Variants in SUGCT observed in about 807,000 individuals in gnomAD.
SUGCT encodes the protein succinyl-CoA:glutarate CoA-transferase.
A neutral mutation model predicts 55.0 loss-of-function variants in SUGCT; 41 were observed. That is an observed-to-expected ratio of 0.74 (90% CI 0.58 to 0.97). The LOEUF (loss-of-function observed/expected upper bound fraction) is 0.97, where lower values mean the gene tolerates loss of function less well. Among genes scored for constraint, SUGCT ranks in the 50% least tolerant of loss-of-function variants. SUGCT has a pLI of 0.00. For missense variants in SUGCT, 568 were observed against 547.8 expected (o/e 1.04, Z -0.37); for synonymous variants, 187 against 200.4 (o/e 0.93, Z 0.56).
the SUGCT span, among the ~76,000 whole-genome samples, chr7:41,004,840 C>T: frequency 6.6e-6 from 1 of 152,242 alleles, no homozygotes; most frequent in South Asian, 2.1e-4. Flanking sequence ...ATATTCTTCT[C>T]ATTGAAACAA....
intron 12 of SUGCT, among the ~76,000 whole-genome samples, chr7:40,622,542 T>TC (rs1349924861): frequency 6.7e-6 from 1 of 149,982 alleles, no homozygotes; most frequent in Non-Finnish European, 1.5e-5. Context: ...TTTTTTTTTT[T>TC]TTTTTTTTTC....
At chr7:40,823,506 T>C (rs1349850566) in intron 13 of SUGCT, among the ~76,000 whole-genome samples, 2 of 152,172 alleles carry the variant, frequency 1.3e-5, no homozygotes, top group Non-Finnish European at 2.9e-5. Context: ...TTCACATGTG[T>C]ACTCAGCAAA....
chr7:40,420,449 C>A (rs962991308), intron 9 of SUGCT, among the ~76,000 whole-genome samples: 2 of 152,082 alleles, frequency 1.3e-5, no homozygotes, highest in African/African-American at 2.4e-5. Context: ...AGTGATCCTC[C>A]TGCTTCAGCC....
chr7:40,960,440 A>G, the SUGCT span, among the ~76,000 whole-genome samples: 1 of 152,142 alleles, frequency 6.6e-6, no homozygotes, highest in African/African-American at 2.4e-5. Context: ...GAGTCCCATT[A>G]GTGCCATTAG....
At chr7:40,324,786 G>A (rs1315298792) in intron 9 of SUGCT, among the ~76,000 whole-genome samples, 1 of 152,180 alleles carries the variant, frequency 6.6e-6, no homozygotes, top group African/African-American at 2.4e-5. Flanking sequence ...GCTAGGGGTA[G>A]TTGACTTTCT....
At chr7:40,159,621 G>A (rs928946366) in intron 1 of SUGCT, among the ~76,000 whole-genome samples, 39 of 152,028 alleles carry the variant, frequency 2.6e-4, no homozygotes, top group African/African-American at 8.7e-4. Flanking sequence ...TGCCCACCTC[G>A]GCCTCCCAAA....
At chr7:40,398,152 C>T (rs1338691873) in intron 9 of SUGCT, among the ~76,000 whole-genome samples, 1 of 152,160 alleles carries the variant, frequency 6.6e-6, no homozygotes, top group Admixed American at 6.6e-5. Flanking sequence ...AGTGCAGTGG[C>T]ACGATCTCAG....
At chr7:40,151,853 A>G (rs1330657497) in intron 1 of SUGCT, 1 of 152,224 alleles carries the variant, frequency 6.6e-6, no homozygotes, top group African/African-American at 2.4e-5. Context: ...TAAAATTTGG[A>G]GACTGAGGTT....
intron 13 of SUGCT, among the ~76,000 whole-genome samples, chr7:40,774,778 A>T (rs1210118344): frequency 8.2e-5 from 4 of 48,540 alleles, no homozygotes; most frequent in Admixed American, 2.0e-4. Context: ...TTTGGCAAAT[A>T]AAAAAAAAAA....
chr7:40,959,125 C>T, the SUGCT span, among the ~76,000 whole-genome samples: 2 of 152,206 alleles, frequency 1.3e-5, no homozygotes, highest in African/African-American at 4.8e-5. Context: ...AGGTGTCTCC[C>T]AGTCAGGAGG....
At chr7:40,952,926 G>A in the SUGCT span, among the ~76,000 whole-genome samples, 1 of 152,088 alleles carries the variant, frequency 6.6e-6, no homozygotes, top group African/African-American at 2.4e-5. Context: ...TGACAATTAG[G>A]TGTCTTGGAG....
chr7:40,711,678 G>A (rs771818015), intron 12 of SUGCT, among the ~76,000 whole-genome samples: 3 of 152,128 alleles, frequency 2.0e-5, no homozygotes, highest in East Asian at 3.8e-4. Context: ...GCTGCTGCCC[G>A]CAGAGTTCGC....
chr7:40,586,374 T>A (rs1027211692), intron 12 of SUGCT, among the ~76,000 whole-genome samples: 2 of 152,144 alleles, frequency 1.3e-5, no homozygotes, highest in African/African-American at 4.8e-5. Context: ...TTAACTGTAA[T>A]TAATTTAAAT....
chr7:40,409,403 G>T (rs746506964), intron 9 of SUGCT, among the ~76,000 whole-genome samples: 2 of 152,044 alleles, frequency 1.3e-5, no homozygotes, highest in Non-Finnish European at 2.9e-5. Flanking sequence ...GGGACTACAG[G>T]TGTGCACCAC....
In SUGCT at chr7:40,555,731, G is replaced by A. The variant is rs140356655; in HGVS notation, c.1089+59345G>A. Among the ~76,000 whole-genome samples, 396 of 151,746 alleles carry A rather than the reference G, an allele frequency of 2.6e-3. 3 individuals carry two copies. Among genetic ancestry groups the A allele is most frequent in the African/African-American group, 8.7e-3 (362 of 41,374 alleles). On this transcript the variant is annotated intron_variant, in intron 12 of 13. Transcript: ENST00000335693. ...AATATTCCAGTATTCTAACAATATTGTAAGGAAGTACAATATTGCTGAGTG... is the reference window on the plus strand; with the variant it reads ...AATATTCCAGTATTCTAACAATATTATAAGGAAGTACAATATTGCTGAGTG...
intron 12 of SUGCT, among the ~76,000 whole-genome samples, chr7:40,577,382 T>C (rs1318613945): frequency 6.6e-6 from 1 of 152,020 alleles, no homozygotes; most frequent in Non-Finnish European, 1.5e-5. Context: ...CCATTATTTG[T>C]CATTTCTCTT....
At chr7:40,976,144 C>A in the SUGCT span, among the ~76,000 whole-genome samples, 1 of 152,140 alleles carries the variant, frequency 6.6e-6, no homozygotes. Context: ...GAAGAGGAGT[C>A]GTTGTGAACA....
chr7:40,820,804 A>T (rs1791950009), intron 13 of SUGCT, among the ~76,000 whole-genome samples: 1 of 152,166 alleles, frequency 6.6e-6, no homozygotes, highest in Admixed American at 6.5e-5. Context: ...CACTATGTTG[A>T]ATAGGAGTGG....
chr7:40,939,371 G>A, the SUGCT span, among the ~76,000 whole-genome samples: 1 of 152,154 alleles, frequency 6.6e-6, no homozygotes, highest in African/African-American at 2.4e-5. Context: ...TTCAAGATGA[G>A]ATTTGGGTGG....
Sources: allele counts gnomAD v4.1 joint callset (sites outside exome capture counted in the v4.1 genomes callset), GRCh38; gene constraint gnomAD v4.1.1; transcripts MANE v1.5; gene names NCBI Gene and HGNC (gene_info 2026-07-23, HGNC 2026-07-21).